Variants in PRKN observed in about 807,000 individuals in gnomAD.
PRKN encodes parkin RBR E3 ubiquitin protein ligase, also known as E3 ubiquitin-protein ligase parkin.
Under a neutral mutation model 59.5 loss-of-function variants are expected in PRKN, and 56 were observed. That is an observed-to-expected ratio of 0.94 (90% CI 0.76 to 1.18). PRKN has a LOEUF of 1.18. Among genes scored for constraint, PRKN ranks in the 50% most tolerant of loss-of-function variants. PRKN has a pLI of 0.00. For synonymous variants in PRKN, 250 were observed against 222.1 expected, an observed-to-expected ratio of 1.13 and a Z score of -1.12; for missense variants, 657 against 596.4, an observed-to-expected ratio of 1.10 and a Z score of -1.06.
intron 7 of PRKN, among the ~76,000 whole-genome samples, chr6:161,590,932 T>C (rs995877742): frequency 6.6e-6 from 1 of 152,122 alleles, no homozygotes; most frequent in Non-Finnish European, 1.5e-5. Context: ...GAGCTGGGAT[T>C]TTCTTCTTAC....
At chr6:161,571,664 G>C (rs1003530529) in intron 7 of PRKN, among the ~76,000 whole-genome samples, 1 of 152,182 alleles carries the variant, frequency 6.6e-6, no homozygotes. Flanking sequence ...ATTTTACTGG[G>C]TATGATGATG....
At chr6:161,418,104 G>T (rs1456669235) in intron 9 of PRKN, among the ~76,000 whole-genome samples, 1 of 152,216 alleles carries the variant, frequency 6.6e-6, no homozygotes, top group African/African-American at 2.4e-5. Flanking sequence ...TTCTGATAAG[G>T]CCATCTGGAA....
intron 4 of PRKN, among the ~76,000 whole-genome samples, chr6:162,187,667 T>TAA (rs1784088304): frequency 6.6e-6 from 1 of 152,102 alleles, no homozygotes; most frequent in Admixed American, 6.6e-5. Context: ...AATTGAAACT[T>TAA]AAAGTTATCC....
intron 1 of PRKN, among the ~76,000 whole-genome samples, chr6:162,518,706 G>A (rs1777967296): frequency 6.6e-6 from 1 of 152,110 alleles, no homozygotes; most frequent in Admixed American, 6.5e-5. Context: ...TCCTCTAATA[G>A]TAACTATTGC....
chr6:162,226,667 G>GGGCTACTCA (rs1310800169), intron 3 of PRKN, among the ~76,000 whole-genome samples: 2 of 152,014 alleles, frequency 1.3e-5, no homozygotes, highest in Non-Finnish European at 2.9e-5. Flanking sequence ...CCGAGTAGCT[G>GGGCTACTCA]GGACTACAGG....
chr6:161,675,801 A>C (rs1448965828), intron 7 of PRKN, among the ~76,000 whole-genome samples: 2 of 152,266 alleles, frequency 1.3e-5, no homozygotes, highest in Non-Finnish European at 2.9e-5. Context: ...ATAAAGACAT[A>C]AAATATTTTT....
At chr6:161,929,292 G>C (rs572553280) in intron 6 of PRKN, among the ~76,000 whole-genome samples, 138 of 152,184 alleles carry the variant, frequency 9.1e-4, no homozygotes, top group African/African-American at 3.3e-3. Context: ...ATGGAAAATA[G>C]CTTAGTGATT....
chr6:162,139,674 G>T (rs139338213), intron 4 of PRKN, among the ~76,000 whole-genome samples: 418 of 152,294 alleles, frequency 2.7e-3, no homozygotes, highest in Non-Finnish European at 4.9e-3. Context: ...CACACTGAGA[G>T]ATTAGGTTTC....
chr6:162,570,287 T>A (rs1162816532), intron 1 of PRKN, among the ~76,000 whole-genome samples: 2 of 152,108 alleles, frequency 1.3e-5, no homozygotes, highest in African/African-American at 4.8e-5. Context: ...ATGGCTTGTA[T>A]CCCAAAAGAC....
At chr6:161,618,892 T>G (rs1782788748) in intron 7 of PRKN, among the ~76,000 whole-genome samples, 1 of 152,184 alleles carries the variant, frequency 6.6e-6, no homozygotes, top group Non-Finnish European at 1.5e-5. Context: ...AGCCACCAGG[T>G]CAAGAAACCA....
At chr6:161,427,154 GACTACTGATATGCACCACAAC>G (rs1178505074) in intron 9 of PRKN, among the ~76,000 whole-genome samples, 1 of 152,112 alleles carries the variant, frequency 6.6e-6, no homozygotes, top group Non-Finnish European at 1.5e-5. Context: ...TGGTAGCTGG[GACTACTGATATGCACCACAAC>G]ACTCAGCTAA....
chr6:162,242,755 G>A (rs1246337513), intron 3 of PRKN, among the ~76,000 whole-genome samples: 2 of 152,106 alleles, frequency 1.3e-5, no homozygotes, highest in South Asian at 2.1e-4. Context: ...CTACAGAGAG[G>A]CAGCTCCTCT....
intron 7 of PRKN, among the ~76,000 whole-genome samples, chr6:161,747,425 ATTATT>A (rs951655061): frequency 5.3e-5 from 8 of 151,458 alleles, no homozygotes; most frequent in Admixed American, 4.6e-4. Context: ...CAGAAAACTG[ATTATT>A]TTAAACAAAT....
At position 161,860,906 on chromosome 6, in the gene PRKN, C is replaced by T. The variant is rs1053107452; in HGVS notation, c.735-74998G>A. ...TACCATCTTACACCAGTCAGAATGG[C>T]GATTATTAAAAAGTCAGGAAACAAC... On this transcript the variant is annotated intron_variant, in intron 6 of 11. Coordinates refer to ENST00000366898, the MANE Select transcript of PRKN (RefSeq NM_004562.3). Among the ~76,000 whole-genome samples the T allele has an allele frequency of 1.1e-4, 17 of 152,058 alleles. 1 individual carries two copies. Among genetic ancestry groups the T allele is most frequent in the South Asian group, 1.0e-3 (5 of 4,812 alleles).
At chr6:161,898,045 C>T (rs1279544510) in intron 6 of PRKN, among the ~76,000 whole-genome samples, 2 of 143,988 alleles carry the variant, frequency 1.4e-5, no homozygotes, top group Admixed American at 1.4e-4. Flanking sequence ...AAATCAAGAA[C>T]AAATCTCTGA....
chr6:161,619,197 T>C (rs1782800623), intron 7 of PRKN, among the ~76,000 whole-genome samples: 1 of 151,282 alleles, frequency 6.6e-6, no homozygotes, highest in African/African-American at 2.4e-5. Flanking sequence ...ACAAGAATTT[T>C]TGGCAAGCCT....
intron 2 of PRKN, among the ~76,000 whole-genome samples, chr6:162,307,802 TAAG>T (rs145457514): frequency 0.026 from 3,965 of 152,278 alleles, 155 homozygotes; most frequent in African/African-American, 0.087. Context: ...CCGCTAGTAA[TAAG>T]AAGATGATTA....
chr6:162,308,680 CTG>C (rs1188543272), intron 2 of PRKN, among the ~76,000 whole-genome samples: 1 of 152,122 alleles, frequency 6.6e-6, no homozygotes, highest in Non-Finnish European at 1.5e-5. Flanking sequence ...GAGTACCCAT[CTG>C]TTGTACGGGT....
At chr6:161,631,173 C>T (rs1783293774) in intron 7 of PRKN, among the ~76,000 whole-genome samples, 1 of 152,190 alleles carries the variant, frequency 6.6e-6, no homozygotes, top group African/African-American at 2.4e-5. Flanking sequence ...GAGTGCCCAC[C>T]ATGTGCCATG....
Sources: allele counts gnomAD v4.1 joint callset (sites outside exome capture counted in the v4.1 genomes callset), GRCh38; gene constraint gnomAD v4.1.1; transcripts MANE v1.5; gene names NCBI Gene and HGNC (gene_info 2026-07-23, HGNC 2026-07-21).